Variants in RRBP1 observed in about 807,000 individuals in gnomAD.
The protein encoded by RRBP1 is ribosome binding protein 1, also known as ribosome-binding protein 1.
A neutral mutation model predicts 165.2 loss-of-function variants in RRBP1; 94 were observed. That is an observed-to-expected ratio of 0.57 (90% CI 0.48 to 0.68). The LOEUF (loss-of-function observed/expected upper bound fraction) is 0.68. Among genes scored for constraint, RRBP1 ranks in the 30% least tolerant of loss-of-function variants. The pLI is 0.00. For synonymous variants in RRBP1, 680 were observed against 714.5 expected (o/e 0.95, Z 0.77); for missense variants, 1,676 against 1,763.0 (o/e 0.95, Z 0.88).
Position 17,627,599 on chromosome 20 carries a change from C to T in RRBP1, c.2833G>A (p.Glu945Lys), listed in dbSNP as rs1321965055. Residue 945 changes from glutamate to lysine, a missense_variant, in exon 10 of 25, where the codon GAG (glutamate) becomes AAG (lysine). Coordinates refer to ENST00000377813, the MANE Select transcript of RRBP1 (RefSeq NM_001365613.2). ...ELSGLHGQLQEARAENSQLTE... is the reference protein window; with the variant it reads ...ELSGLHGQLQKARAENSQLTE... ...AGCTGGGAGTTCTCCGCCCTGGCCT[C>T]CTGGAGCTGCCCGTGGAGGCCACTC... 2 of 1,613,534 alleles carry T rather than the reference C, an allele frequency of 1.2e-6. No individual in the cohort carries two copies. The highest frequency in any genetic ancestry group is 1.7e-6 in the Non-Finnish European group (2 of 1,179,946).
intron 8 of RRBP1, among the ~76,000 whole-genome samples, chr20:17,632,015 T>G (rs1252632892): frequency 2.0e-5 from 3 of 152,230 alleles, no homozygotes; most frequent in African/African-American, 4.8e-5. Context: ...CTGGGTGTAA[T>G]AGCATGGTTA....
intron 2 of RRBP1, among the ~76,000 whole-genome samples, chr20:17,668,116 C>T (rs1381928801): frequency 6.6e-6 from 1 of 152,208 alleles, no homozygotes; most frequent in Non-Finnish European, 1.5e-5. Flanking sequence ...CTTATTCAGA[C>T]TCACTGTGCT....
Position 17,649,028 on chromosome 20 carries a change from G to A in RRBP1, c.1913-5901C>T, listed in dbSNP as rs139323126. The stretch of plus-strand genomic sequence containing the variant: ...TGGCTGAAAAGAGATTTCTGGAAGA[G>A]TGTCATCTAGCAGCTTCTCACACTG... On this transcript the variant is annotated intron_variant, in intron 3 of 24. Transcript: ENST00000377813. Among the ~76,000 whole-genome samples the A allele has an allele frequency of 2.7e-3, 412 of 152,330 alleles. 2 individuals are homozygous for A. Among genetic ancestry groups the A allele is most frequent in the African/African-American group, 9.2e-3 (382 of 41,572 alleles).
chr20:17,654,513 C>T (rs997152429), intron 3 of RRBP1, among the ~76,000 whole-genome samples: 2 of 152,214 alleles, frequency 1.3e-5, no homozygotes, highest in African/African-American at 4.8e-5. Context: ...CCTTGAATTT[C>T]GGGCCTTACC....
intron 2 of RRBP1, among the ~76,000 whole-genome samples, chr20:17,670,263 G>A (rs116550975): frequency 3.3e-5 from 5 of 152,008 alleles, no homozygotes; most frequent in Non-Finnish European, 5.9e-5. Context: ...AGGATAAAAC[G>A]ATTTAGTCAT....
At chr20:17,632,950 C>T (rs2036180617) in intron 8 of RRBP1, among the ~76,000 whole-genome samples, 1 of 152,200 alleles carries the variant, frequency 6.6e-6, no homozygotes, top group Non-Finnish European at 1.5e-5. Flanking sequence ...ACCCCACTGG[C>T]CTTGAAGCCA....
At chr20:17,678,283 C>A (rs916381595) in intron 2 of RRBP1, among the ~76,000 whole-genome samples, 6 of 152,236 alleles carry the variant, frequency 3.9e-5, no homozygotes, top group Admixed American at 6.5e-5. Context: ...CCTTCCCTTA[C>A]AAGCCATCAC....
chr20:17,617,797 C>T (rs2035830344), intron 20 of RRBP1, among the ~76,000 whole-genome samples: 1 of 152,218 alleles, frequency 6.6e-6, no homozygotes, highest in South Asian at 2.1e-4. Context: ...AATGCCAGCC[C>T]ATTTTTATTT....
At chr20:17,653,489 A>G (rs1344540191) in intron 3 of RRBP1, among the ~76,000 whole-genome samples, 1 of 152,264 alleles carries the variant, frequency 6.6e-6, no homozygotes, top group Non-Finnish European at 1.5e-5. Context: ...AAGAATAAGC[A>G]GACTGTGACG....
chr20:17,663,557 A>G (rs1345956635), intron 2 of RRBP1, among the ~76,000 whole-genome samples: 9 of 152,258 alleles, frequency 5.9e-5, no homozygotes, highest in Admixed American at 5.9e-4. Context: ...AGTCTTAAGT[A>G]GTAATACACT....
chr20:17,620,411 G>C (rs372914168), intron 17 of RRBP1, 41 bp from the exon 18 acceptor site: 2 of 1,554,372 alleles, frequency 1.3e-6, no homozygotes, highest in Non-Finnish European at 1.8e-6. Flanking sequence ...ACGAGCACCT[G>C]GGGGTGTCTC....
intron 13 of RRBP1, among the ~76,000 whole-genome samples, chr20:17,623,568 C>T (rs1208899502): frequency 1.3e-5 from 2 of 152,222 alleles, no homozygotes; most frequent in Admixed American, 1.3e-4. Flanking sequence ...CAGCATGGAG[C>T]GCAGGGCCAA....
intron 7 of RRBP1, among the ~76,000 whole-genome samples, chr20:17,634,765 C>A (rs1448135943): frequency 2.0e-5 from 3 of 152,222 alleles, no homozygotes; most frequent in Admixed American, 2.0e-4. Context: ...AAACCTCCAA[C>A]CAGCCGATGG....
At chr20:17,649,315 C>T (rs775327544) in intron 3 of RRBP1, among the ~76,000 whole-genome samples, 36 of 152,170 alleles carry the variant, frequency 2.4e-4, no homozygotes, top group South Asian at 8.3e-4. Flanking sequence ...GCGGGGGCCT[C>T]GGGAGGGGCT....
At chr20:17,622,525 A>C (rs1277317063) in intron 13 of RRBP1, among the ~76,000 whole-genome samples, 1 of 151,928 alleles carries the variant, frequency 6.6e-6, no homozygotes, top group Non-Finnish European at 1.5e-5. Flanking sequence ...GTGGATCAGC[A>C]TTCCCCCTCT....
intron 2 of RRBP1, among the ~76,000 whole-genome samples, chr20:17,666,870 G>GTTTTGTCTTTAC (rs1555818214): frequency 6.6e-6 from 1 of 152,070 alleles, no homozygotes; most frequent in Admixed American, 6.5e-5. Flanking sequence ...TTTACCAATT[G>GTTTTGTCTTTAC]CAGTTGACAT....
chr20:17,620,558 G>A (rs547898514), intron 17 of RRBP1, 157 bp downstream of exon 17: 16 of 792,280 alleles, frequency 2.0e-5, no homozygotes, highest in South Asian at 1.1e-4. Context: ...CCTGGAGGAC[G>A]GACTGAGCTG....
chr20:17,641,052 A>G (rs2036347002), intron 5 of RRBP1, among the ~76,000 whole-genome samples: 1 of 152,078 alleles, frequency 6.6e-6, no homozygotes, highest in Admixed American at 6.5e-5. Flanking sequence ...GACCAGTCCC[A>G]GAGGGCCAGG....
intron 5 of RRBP1, among the ~76,000 whole-genome samples, chr20:17,640,912 G>A (rs1012753584): frequency 6.6e-6 from 1 of 152,252 alleles, no homozygotes; most frequent in African/African-American, 2.4e-5. Flanking sequence ...CCCAGACACT[G>A]TTGGACAGTC....
Sources: allele counts gnomAD v4.1 joint callset (sites outside exome capture counted in the v4.1 genomes callset), GRCh38; gene constraint gnomAD v4.1.1; transcripts MANE v1.5; gene names NCBI Gene and HGNC (gene_info 2026-07-23, HGNC 2026-07-21).